Variants in GSE1 observed in about 807,000 individuals in gnomAD.
The protein encoded by GSE1 is genetic suppressor element 1.
A neutral mutation model predicts 112.6 loss-of-function variants in GSE1; 32 were observed. That is an observed-to-expected ratio of 0.28 (90% CI 0.21 to 0.38). The LOEUF (loss-of-function observed/expected upper bound fraction) is 0.38, where lower values mean the gene tolerates loss of function less well. GSE1 is among the 10% of genes least tolerant of loss of function. The probability of loss-of-function intolerance (pLI) is 1.00; values close to 1 mark genes in which losing one functional copy is unlikely to be tolerated. For synonymous variants in GSE1, 1,115 were observed against 735.6 expected (o/e 1.52, Z -8.35); for missense variants, 2,348 against 1,699.2 (o/e 1.38, Z -6.71).
At chr16:85,394,813 G>A (rs549570441) in intron 2 of GSE1, among the ~76,000 whole-genome samples, 1 of 151,940 alleles carries the variant, frequency 6.6e-6, no homozygotes, top group African/African-American at 2.4e-5. Flanking sequence ...AGGCTTCCTC[G>A]GGCATCCCCC....
At chr16:85,363,495 G>C in intron 2 of GSE1, among the ~76,000 whole-genome samples, 1 of 152,228 alleles carries the variant, frequency 6.6e-6, no homozygotes, top group East Asian at 1.9e-4. Context: ...ATGGGTGTCA[G>C]AGCCTGTGGT....
rs534589783 is a variant in GSE1 at position 85,298,877 on chromosome 16, G to A, written c.2284-58586G>A. ...GGAGTGGGTGTGGGGGAGCATAGGC[G>A]TTTATGGGTGTTTATGTCTGTGCTG... On this transcript the variant is annotated intron_variant, in intron 1 of 2. Coordinates refer to the GSE1 transcript ENST00000637419. 9.8e-5 allele frequency among the ~76,000 whole-genome samples: 15 copies of A among 152,366 alleles called. No homozygotes were observed. The South Asian group carries it at 2.1e-3, about 21-fold the overall frequency.
At chr16:85,233,234 G>C in intron 1 of GSE1, among the ~76,000 whole-genome samples, 1 of 152,272 alleles carries the variant, frequency 6.6e-6, no homozygotes, top group Non-Finnish European at 1.5e-5. Context: ...TCGTTTGTCA[G>C]CCAAGCACTC....
chr16:85,622,792 G>A (rs1426555636), intron 1 of GSE1, among the ~76,000 whole-genome samples: 1 of 152,216 alleles, frequency 6.6e-6, no homozygotes, highest in African/African-American at 2.4e-5. Context: ...AGCCTGGGAA[G>A]GGGTTGACCT....
chr16:85,354,703 C>G (rs2046916067), intron 1 of GSE1, among the ~76,000 whole-genome samples: 1 of 152,232 alleles, frequency 6.6e-6, no homozygotes, highest in Admixed American at 6.5e-5. Context: ...GCAGATGCGG[C>G]CCAGCATGAC....
intron 1 of GSE1, among the ~76,000 whole-genome samples, chr16:85,624,400 G>C (rs2048934303): frequency 6.6e-6 from 1 of 152,224 alleles, no homozygotes; most frequent in Non-Finnish European, 1.5e-5. Context: ...CTCTGGCTGA[G>C]AGCTGTGGGA....
At chr16:85,302,448 GCC>G (rs55673103) in intron 1 of GSE1, among the ~76,000 whole-genome samples, 10 of 149,586 alleles carry the variant, frequency 6.7e-5, no homozygotes, top group African/African-American at 2.2e-4. Flanking sequence ...ACAGCACACC[GCC>G]CCCCCCCGCC....
chr16:85,434,132 C>T (rs966023623), intron 2 of GSE1, among the ~76,000 whole-genome samples: 15 of 152,172 alleles, frequency 9.9e-5, no homozygotes, highest in Non-Finnish European at 1.6e-4. Flanking sequence ...AGGAAAGAAA[C>T]TGAGACTCAA....
At chr16:85,594,246 C>CG (rs1325968931) in intron 1 of GSE1, 1 of 9,572 alleles carries the variant, frequency 1.0e-4, no homozygotes, top group Non-Finnish European at 2.4e-4. Context: ...GGGGGGGGGG[C>CG]GGAGGGGACA....
chr16:85,350,590 A>C (rs2046832806), intron 1 of GSE1, among the ~76,000 whole-genome samples: 1 of 151,916 alleles, frequency 6.6e-6, no homozygotes, highest in Non-Finnish European at 1.5e-5. Flanking sequence ...CTTCCCCAGC[A>C]CACACCCCTT....
rs2053582091 is a variant in GSE1, at chr16:85,674,624, TGG to T, written c.*2086_*2087del. ...TCCATCACAGATGTCTGGATGCTTTTGGAAATGGCCTTGGCTAAAGTAAAAGG... is the reference window on the plus strand; with the variant it reads ...TCCATCACAGATGTCTGGATGCTTTTAAATGGCCTTGGCTAAAGTAAAAGG... On this transcript the variant is annotated 3_prime_UTR_variant, in exon 16 of 16. Transcript: ENST00000253458. 1 of 152,274 alleles carries T rather than the reference TGG, an allele frequency of 6.6e-6. No individual in the cohort carries two copies. Among genetic ancestry groups the T allele is most frequent in the Non-Finnish European group, 1.5e-5 (1 of 68,060 alleles). The allele number at this position is 152,274 out of a possible 1,614,324, so 9.4% of individuals were successfully genotyped here.
chr16:85,664,860 C>T, intron 11 of GSE1, 155 bp from the exon 12 acceptor site: 2 of 611,146 alleles, frequency 3.3e-6, no homozygotes, highest in East Asian at 2.8e-5. Context: ...GAGATGGTTG[C>T]TTCCTTTCAA....
At chr16:85,257,482 C>A (rs973634810) in intron 1 of GSE1, among the ~76,000 whole-genome samples, 1 of 152,198 alleles carries the variant, frequency 6.6e-6, no homozygotes, top group African/African-American at 2.4e-5. Flanking sequence ...CAAGCCGGAG[C>A]ACATAGCGCG....
At chr16:85,235,561 A>ATG (rs1213202306) in intron 1 of GSE1, among the ~76,000 whole-genome samples, 14 of 52,068 alleles carry the variant, frequency 2.7e-4, no homozygotes, top group African/African-American at 8.0e-4. Flanking sequence ...AAGGGACTAT[A>ATG]TGTGTGTGTG....
intron 2 of GSE1, among the ~76,000 whole-genome samples, chr16:85,469,739 A>G (rs577233565): frequency 7.2e-5 from 11 of 152,256 alleles, no homozygotes; most frequent in African/African-American, 1.2e-4. Flanking sequence ...GGTGGGAGAA[A>G]TCAGCCAGGC....
At chr16:85,376,676 G>A (rs1386929264) in intron 2 of GSE1, among the ~76,000 whole-genome samples, 9 of 152,212 alleles carry the variant, frequency 5.9e-5, no homozygotes, top group Admixed American at 5.2e-4. Flanking sequence ...GAGAGAGGAC[G>A]CCATGTCTGT....
At chr16:85,477,542 A>G (rs2050496381) in intron 2 of GSE1, among the ~76,000 whole-genome samples, 2 of 150,398 alleles carry the variant, frequency 1.3e-5, no homozygotes, top group Admixed American at 6.7e-5. Context: ...CCAGCTGCAG[A>G]AAAAGGTCTT....
intron 2 of GSE1, among the ~76,000 whole-genome samples, chr16:85,400,666 T>A (rs903541665): frequency 6.6e-6 from 1 of 151,680 alleles, no homozygotes; most frequent in East Asian, 1.9e-4. Flanking sequence ...CTGTGTATGT[T>A]GCGTGTGTCT....
upstream of GSE1, among the ~76,000 whole-genome samples, chr16:85,607,074 C>T (rs1012668041): frequency 1.6e-4 from 2 of 12,260 alleles, no homozygotes; most frequent in African/African-American, 5.1e-4. Flanking sequence ...GTGGGGGGGG[C>T]GGGAGGGAGG....
Sources: allele counts gnomAD v4.1 joint callset (sites outside exome capture counted in the v4.1 genomes callset), GRCh38; gene constraint gnomAD v4.1.1; transcripts MANE v1.5; gene names NCBI Gene and HGNC (gene_info 2026-07-23, HGNC 2026-07-21).